Variants in F13A1 observed in about 807,000 individuals in gnomAD.
F13A1 encodes coagulation factor XIII A chain.
F13A1 carries 47 observed loss-of-function variants against 80.1 expected under a neutral mutation model. The ratio of observed to expected loss-of-function variants is 0.59; its 90% CI spans 0.46 to 0.75. The LOEUF is 0.75. Among genes scored for constraint, F13A1 ranks in the 30% least tolerant of loss-of-function variants. F13A1 has a pLI of 0.00. For synonymous variants in F13A1, 349 were observed against 344.9 expected, an observed-to-expected ratio of 1.01 and a Z score of -0.13; for missense variants, 817 against 930.4, an observed-to-expected ratio of 0.88 and a Z score of 1.59.
intron 2 of F13A1, among the ~76,000 whole-genome samples, chr6:6,313,893 AG>A: frequency 6.6e-6 from 1 of 152,268 alleles, no homozygotes; most frequent in East Asian, 1.9e-4. Flanking sequence ...CCATACCTCC[AG>A]GGGCTAAAAC....
At chr6:6,202,070 A>C (rs9379017) in intron 8 of F13A1, among the ~76,000 whole-genome samples, 22,198 of 151,614 alleles carry the variant, frequency 0.15, 2,621 homozygotes, top group East Asian at 0.44. Context: ...TAACATATCG[A>C]TTACCTCCCA....
chr6:6,188,160 C>T (rs1045711308), intron 10 of F13A1, among the ~76,000 whole-genome samples: 1 of 152,048 alleles, frequency 6.6e-6, no homozygotes, highest in African/African-American at 2.4e-5. Flanking sequence ...TTTGTTGATT[C>T]TTTCAAAAAA....
chr6:6,212,030 G>A (rs1761625501), intron 8 of F13A1, among the ~76,000 whole-genome samples: 1 of 152,238 alleles, frequency 6.6e-6, no homozygotes, highest in Admixed American at 6.5e-5. Context: ...AGGGTCCTAT[G>A]CCCACGGAGT....
intron 6 of F13A1, among the ~76,000 whole-genome samples, chr6:6,229,203 C>T (rs1757317561): frequency 6.6e-6 from 1 of 152,030 alleles, no homozygotes; most frequent in African/African-American, 2.4e-5. Context: ...AAAGAAACTG[C>T]ATGCAGAGGA....
intron 14 of F13A1, among the ~76,000 whole-genome samples, chr6:6,149,186 T>A (rs1448283177): frequency 6.6e-6 from 1 of 152,064 alleles, no homozygotes; most frequent in Non-Finnish European, 1.5e-5. Context: ...GTATTGTATA[T>A]TACAAAAGAG....
At chr6:6,230,193 G>C (rs1307116149) in intron 6 of F13A1, among the ~76,000 whole-genome samples, 1 of 152,100 alleles carries the variant, frequency 6.6e-6, no homozygotes, top group Non-Finnish European at 1.5e-5. Context: ...GGTAGACCGG[G>C]TCAGGTTTTC....
intron 6 of F13A1, among the ~76,000 whole-genome samples, chr6:6,233,818 C>T (rs1189373116): frequency 1.3e-5 from 2 of 152,036 alleles, no homozygotes; most frequent in African/African-American, 4.8e-5. Context: ...AAATGTGATG[C>T]ACCATATAAA....
intron 13 of F13A1, among the ~76,000 whole-genome samples, chr6:6,157,764 A>G (rs1253640102): frequency 6.6e-6 from 1 of 152,186 alleles, no homozygotes; most frequent in Non-Finnish European, 1.5e-5. Flanking sequence ...GCCCAAACAT[A>G]CTGGGATTAC....
At chr6:6,269,499 G>GA (rs777982675) in intron 3 of F13A1, among the ~76,000 whole-genome samples, 3,787 of 142,706 alleles carry the variant, frequency 0.027, 145 homozygotes, top group African/African-American at 0.09. Flanking sequence ...AGTAAAAAAA[G>GA]AAAAAAAAAA....
intron 6 of F13A1, among the ~76,000 whole-genome samples, chr6:6,235,646 G>A (rs1370801391): frequency 6.6e-6 from 1 of 152,034 alleles, no homozygotes; most frequent in Non-Finnish European, 1.5e-5. Context: ...AAGTGTCCGG[G>A]AGGATATGCA....
intron 3 of F13A1, among the ~76,000 whole-genome samples, chr6:6,291,926 G>C (rs3024356): frequency 0.018 from 2,792 of 152,248 alleles, 99 homozygotes; most frequent in African/African-American, 0.063. Flanking sequence ...AGTCCCTCAA[G>C]TAATTCACAC....
intron 8 of F13A1, among the ~76,000 whole-genome samples, chr6:6,212,000 A>G (rs929994844): frequency 1.3e-5 from 2 of 152,214 alleles, no homozygotes; most frequent in Admixed American, 6.5e-5. Context: ...CCAGGAGATT[A>G]TATCCCGCAC....
chr6:6,255,514 G>C lies in F13A1; in HGVS notation c.572-4585C>G, dbSNP rs188718964. ...GACTGCGTCCCCAGCCCCCAACACT[G>C]TGCCTTGGAACACGGTAGGAAATCA... On this transcript the variant is annotated intron_variant, in intron 4 of 14. Transcript: ENST00000264870. Among the ~76,000 whole-genome samples, 7 of 152,210 alleles carry C rather than the reference G, an allele frequency of 4.6e-5. 1 individual carries two copies. The East Asian group carries it at 1.4e-3, about 29-fold the overall frequency.
At chr6:6,218,568 C>T (rs1280723268) in intron 8 of F13A1, among the ~76,000 whole-genome samples, 4 of 152,194 alleles carry the variant, frequency 2.6e-5, no homozygotes, top group African/African-American at 9.7e-5. Context: ...AATTACTCTG[C>T]CCTGCTCTGC....
At chr6:6,210,227 AAAT>A (rs917071735) in intron 8 of F13A1, among the ~76,000 whole-genome samples, 3 of 150,062 alleles carry the variant, frequency 2.0e-5, no homozygotes, top group Non-Finnish European at 4.4e-5. Flanking sequence ...ACCTGTCTCA[AAAT>A]AATAATAATA....
At chr6:6,181,850 G>A (rs756749303) in intron 11 of F13A1, 138 bp downstream of exon 11, 77 of 939,522 alleles carry the variant, frequency 8.2e-5, no homozygotes, top group African/African-American at 1.6e-4. Flanking sequence ...TCTTTCACAC[G>A]TGAAAGTTTA....
intron 2 of F13A1, among the ~76,000 whole-genome samples, chr6:6,313,792 TATAAAGTGTTGTTATTA>T: frequency 6.6e-6 from 1 of 152,198 alleles, no homozygotes; most frequent in East Asian, 1.9e-4. Flanking sequence ...TGGCTTAATT[TATAAAGTGTTGTTATTA>T]ATACATCCTG....
chr6:6,312,441 G>A (rs76836221), intron 2 of F13A1, among the ~76,000 whole-genome samples: 73,435 of 106,044 alleles, frequency 0.69, 26,840 homozygotes, highest in East Asian at 0.84. Flanking sequence ...GAAGGCTGAG[G>A]GGGGCGGATC....
intron 3 of F13A1, among the ~76,000 whole-genome samples, chr6:6,270,171 A>C (rs1376733924): frequency 6.6e-6 from 1 of 152,236 alleles, no homozygotes; most frequent in Non-Finnish European, 1.5e-5. Context: ...TGGCCCTTAC[A>C]GTAAACAATT....
Sources: allele counts gnomAD v4.1 joint callset (sites outside exome capture counted in the v4.1 genomes callset), GRCh38; gene constraint gnomAD v4.1.1; transcripts MANE v1.5; gene names NCBI Gene and HGNC (gene_info 2026-07-23, HGNC 2026-07-21).